Variants in RAB2A observed in about 807,000 individuals in gnomAD.
RAB2A encodes RAB2A, member RAS oncogene family.
RAB2A carries 7 observed loss-of-function variants against 32.5 expected under a neutral mutation model. That is an observed-to-expected ratio of 0.22 (90% CI 0.12 to 0.40). The LOEUF is 0.40. Ranked by LOEUF, RAB2A falls within the 10% of genes least tolerant of loss-of-function variation. RAB2A has a pLI of 1.00. For synonymous variants in RAB2A, 79 were observed against 85.2 expected, an observed-to-expected ratio of 0.93 and a Z score of 0.40; for missense variants, 108 against 260.7, an observed-to-expected ratio of 0.41 and a Z score of 4.03.
At chr8:60,557,603 CATTCTGTTACCT>C (rs1216661072) in intron 1 of RAB2A, among the ~76,000 whole-genome samples, 1 of 152,186 alleles carries the variant, frequency 6.6e-6, no homozygotes, top group Non-Finnish European at 1.5e-5. Flanking sequence ...GAGAGAGTCT[CATTCTGTTACCT>C]ACCCTGGAGG....
At chr8:60,619,614 T>A (rs1182069303) in intron 7 of RAB2A, among the ~76,000 whole-genome samples, 2 of 152,244 alleles carry the variant, frequency 1.3e-5, no homozygotes, top group African/African-American at 4.8e-5. Flanking sequence ...TCTTCTAGGC[T>A]TATATGACGG....
chr8:60,527,153 G>C (rs1404562578), intron 1 of RAB2A, among the ~76,000 whole-genome samples: 2 of 152,048 alleles, frequency 1.3e-5, no homozygotes, highest in Non-Finnish European at 1.5e-5. Context: ...AGGAAAGAGA[G>C]AGTGAAGGGG....
At position 60,575,653 on chromosome 8, in the gene RAB2A, CTTTT is replaced by C. The variant is rs35451518; in HGVS notation, c.186+3558_186+3561del. Among the ~76,000 whole-genome samples the C allele has an allele frequency of 4.7e-4, 53 of 113,200 alleles. 1 individual carries two copies. In the East Asian group the frequency reaches 7.7e-3, roughly 16 times the overall value. 74.3% of individuals were successfully genotyped at this position (113,200 alleles called of 152,430 possible). On this transcript the variant is annotated intron_variant, in intron 3 of 7. Coordinates refer to ENST00000262646, the MANE Select transcript of RAB2A (RefSeq NM_002865.3). Reference sequence around the variant, plus strand: ...TTTCTTAGTATCTTAGGATATTTGTCTTTTTTTTTTTTTTTTTTTTTGAGACGGT... The same window carrying C: ...TTTCTTAGTATCTTAGGATATTTGTCTTTTTTTTTTTTTTTTTGAGACGGT...
chr8:60,533,983 G>GCAA (rs956199908), intron 1 of RAB2A, among the ~76,000 whole-genome samples: 6 of 151,510 alleles, frequency 4.0e-5, no homozygotes, highest in Non-Finnish European at 8.8e-5. Flanking sequence ...CAAAACAATA[G>GCAA]CAACAACAAC....
intron 1 of RAB2A, among the ~76,000 whole-genome samples, chr8:60,525,815 G>C (rs1422445615): frequency 6.6e-6 from 1 of 151,650 alleles, no homozygotes; most frequent in Non-Finnish European, 1.5e-5. Context: ...GGTAGGTTCT[G>C]CTGGGTAGGC....
intron 1 of RAB2A, among the ~76,000 whole-genome samples, chr8:60,542,331 C>G (rs529636416): frequency 6.6e-6 from 1 of 152,186 alleles, no homozygotes; most frequent in African/African-American, 2.4e-5. Flanking sequence ...GTGGCTAACA[C>G]GGTGAAACCC....
intron 2 of RAB2A, among the ~76,000 whole-genome samples, chr8:60,561,568 C>G (rs1053520865): frequency 4.6e-5 from 7 of 152,100 alleles, no homozygotes; most frequent in Admixed American, 3.9e-4. Context: ...CCCTGTTGAC[C>G]ATTGTTTTTG....
At chr8:60,560,202 CTCAGCTTCCCAGG>C (rs1455549114) in intron 2 of RAB2A, among the ~76,000 whole-genome samples, 1 of 152,196 alleles carries the variant, frequency 6.6e-6, no homozygotes, top group Admixed American at 6.5e-5. Context: ...ATCTTCCCAT[CTCAGCTTCCCAGG>C]TAGCTAGGAC....
rs186903348 is a variant in RAB2A at position 60,600,631 on chromosome 8, T to G, written c.474+8662T>G. 8.5e-5 allele frequency among the ~76,000 whole-genome samples: 13 copies of G among 152,318 alleles called. No individual in the cohort carries two copies. In the East Asian group the frequency reaches 2.5e-3, roughly 29 times the overall value. On this transcript the variant is annotated intron_variant, in intron 6 of 7. Coordinates refer to ENST00000262646, the MANE Select transcript of RAB2A (RefSeq NM_002865.3). ...ATGTTCATAGTAGTTTTATTCAGAA[T>G]GGCCAAAAACTGGAAACAGGCTAGA... is the stretch of plus-strand genomic sequence containing the variant.
chr8:60,570,545 A>G (rs540261951), intron 2 of RAB2A, among the ~76,000 whole-genome samples: 81 of 152,280 alleles, frequency 5.3e-4, no homozygotes, highest in African/African-American at 1.9e-3. Context: ...GAATATATAT[A>G]TTCATATAGA....
intron 6 of RAB2A, among the ~76,000 whole-genome samples, chr8:60,605,828 AATACATATATAC>A: frequency 8.8e-6 from 1 of 114,018 alleles, no homozygotes; most frequent in South Asian, 2.7e-4. Context: ...AAAAGGGACT[AATACATATATAC>A]ATATATATAT....
intron 5 of RAB2A, among the ~76,000 whole-genome samples, chr8:60,588,755 T>C (rs1000998748): frequency 1.3e-5 from 2 of 152,198 alleles, no homozygotes; most frequent in Non-Finnish European, 2.9e-5. Flanking sequence ...ATCTTAAAAC[T>C]CAACAAATTT....
chr8:60,571,779 G>A (rs951099101), intron 2 of RAB2A, among the ~76,000 whole-genome samples: 3 of 151,972 alleles, frequency 2.0e-5, no homozygotes, highest in African/African-American at 7.2e-5. Flanking sequence ...TACTGAGCCT[G>A]CAAAACATGA....
intron 6 of RAB2A, among the ~76,000 whole-genome samples, chr8:60,610,209 TA>T (rs1413953986): frequency 6.6e-6 from 1 of 151,918 alleles, no homozygotes; most frequent in African/African-American, 2.4e-5. Context: ...TACAACCAGC[TA>T]ACCCTAAGAC....
intron 6 of RAB2A, among the ~76,000 whole-genome samples, chr8:60,605,008 C>T (rs1353485569): frequency 6.6e-6 from 1 of 152,218 alleles, no homozygotes; most frequent in Non-Finnish European, 1.5e-5. Flanking sequence ...AGGAGCCCCT[C>T]CCTCACAGGC....
rs1804533917 is a variant in RAB2A, at chr8:60,621,863, A to C, written c.*1094A>C. Reference sequence around the variant, plus strand: ...AAGGGGATATGACAATAAATCTATCAGATGGAAAATCCTGTTACAAAGTAG... The same window carrying C: ...AAGGGGATATGACAATAAATCTATCCGATGGAAAATCCTGTTACAAAGTAG... On this transcript the variant is annotated 3_prime_UTR_variant, in exon 8 of 8. Coordinates refer to ENST00000262646, the MANE Select transcript of RAB2A (RefSeq NM_002865.3). The C allele has an allele frequency of 1.3e-5, 2 of 152,202 alleles. No homozygotes were observed. The highest frequency in any genetic ancestry group is 4.1e-4 in the South Asian group (2 of 4,828). 9.4% of individuals were successfully genotyped at this position (152,202 alleles called of 1,614,324 possible).
intron 5 of RAB2A, among the ~76,000 whole-genome samples, chr8:60,589,367 A>G (rs1046115447): frequency 8.5e-5 from 13 of 152,230 alleles, no homozygotes; most frequent in African/African-American, 3.1e-4. Context: ...AGAGAAATAA[A>G]TGAGATGATT....
intron 1 of RAB2A, 111 bp from the exon 2 acceptor site, chr8:60,558,741 G>A (rs1369431506): frequency 3.5e-6 from 3 of 848,750 alleles, no homozygotes; most frequent in Non-Finnish European, 5.9e-6. Context: ...AATCATGGTA[G>A]ATTATTCACA....
chr8:60,575,093 GTTT>G (rs59359164), intron 3 of RAB2A, among the ~76,000 whole-genome samples: 2 of 128,132 alleles, frequency 1.6e-5, no homozygotes, highest in Admixed American at 8.2e-5. Flanking sequence ...TTTTTTGGGG[GTTT>G]TTTTTTTTTT....
Sources: allele counts gnomAD v4.1 joint callset (sites outside exome capture counted in the v4.1 genomes callset), GRCh38; gene constraint gnomAD v4.1.1; transcripts MANE v1.5; gene names NCBI Gene and HGNC (gene_info 2026-07-23, HGNC 2026-07-21).